The following CEP44 variants were observed in gnomAD, a reference collection of about 807,000 sequenced individuals.
The protein encoded by CEP44 is centrosomal protein of 44 kDa.
A neutral mutation model predicts 46.7 loss-of-function variants in CEP44; 45 were observed. The ratio of observed to expected loss-of-function variants is 0.96; its 90% CI spans 0.76 to 1.24. The LOEUF is 1.24. Ranked by LOEUF, CEP44 falls within the 50% of genes most tolerant of loss-of-function variation. CEP44 has a pLI of 0.00. For missense variants in CEP44, 475 were observed against 459.7 expected, an observed-to-expected ratio of 1.03 and a Z score of -0.30; for synonymous variants, 142 against 146.0, an observed-to-expected ratio of 0.97 and a Z score of 0.20.
intron 3 of CEP44, among the ~76,000 whole-genome samples, chr4:174,299,868 C>A (rs1369057797): frequency 2.0e-5 from 3 of 152,166 alleles, no homozygotes; most frequent in Non-Finnish European, 4.4e-5. Context: ...GTACTGCAGT[C>A]ATTCTGTATC....
chr4:174,322,263 T>C (rs1396361987), downstream of CEP44, among the ~76,000 whole-genome samples: 1 of 152,166 alleles, frequency 6.6e-6, no homozygotes, highest in Non-Finnish European at 1.5e-5. Context: ...ACCTTCACTT[T>C]TTATATACTA....
chr4:174,327,251 T>C (rs1234987247), intron 8 of CEP44, among the ~76,000 whole-genome samples: 2 of 151,084 alleles, frequency 1.3e-5, no homozygotes, highest in African/African-American at 4.9e-5. Flanking sequence ...TAATAAAATA[T>C]GTGCATGAAC....
intron 1 of CEP44, among the ~76,000 whole-genome samples, chr4:174,289,868 G>T: frequency 1.4e-5 from 2 of 145,452 alleles, no homozygotes; most frequent in African/African-American, 2.5e-5. Context: ...ACAGAGTCTT[G>T]CTCTGTCACC....
In CEP44 at chr4:174,297,714, A is replaced by G. The variant is rs1739219593; in HGVS notation, c.-147-252A>G. Reference sequence around the variant, plus strand: ...CATTAATACTTCTTTCTGCCTTCGAACACTTCCTTCTGTATTGTTCGCCTT... The same window carrying G: ...CATTAATACTTCTTTCTGCCTTCGAGCACTTCCTTCTGTATTGTTCGCCTT... On this transcript the variant is annotated intron_variant, in intron 1 of 11. Coordinates refer to ENST00000503780, the MANE Select transcript of CEP44 (RefSeq NM_001040157.3). This position sits in a 1 kb window ranked among gnomAD's most constrained non-coding sequence, Gnocchi z 4.3. 6.6e-6 allele frequency among the ~76,000 whole-genome samples: 1 copy of G among 151,430 alleles called. No homozygotes were observed. The highest frequency in any genetic ancestry group is 1.9e-4 in the East Asian group (1 of 5,162).
chr4:174,332,359 GC>G (rs1244215096), exon 9 of CEP44: 2 of 152,180 alleles, frequency 1.3e-5, no homozygotes, highest in Non-Finnish European at 2.9e-5. Flanking sequence ...AATGGGGATA[GC>G]ATTTGCTCAT....
chr4:174,297,651 A>AGTGTGTGT lies in CEP44; in HGVS notation c.-147-288_-147-281dup, dbSNP rs70947423. On this transcript the variant is annotated intron_variant, in intron 1 of 11. Transcript: ENST00000503780. The surrounding 1 kb of genome is among the most constrained non-coding windows in gnomAD (Gnocchi z 4.3). ...CTGAGATATAGGAAGAAACTTTATTAGTGTGTGTGTGTGTGTGTGTGTGTG... is the reference window on the plus strand; with the variant it reads ...CTGAGATATAGGAAGAAACTTTATTAGTGTGTGTGTGTGTGTGTGTGTGTGTGTGTGTG... 0.011 allele frequency among the ~76,000 whole-genome samples: 1,662 copies of AGTGTGTGT among 149,050 alleles called. 20 individuals are homozygous for AGTGTGTGT. Among genetic ancestry groups the AGTGTGTGT allele is most frequent in the African/African-American group, 0.027 (1,077 of 40,416 alleles).
Position 174,310,846 on chromosome 4 carries a change from C to T in CEP44, c.949C>T (p.Leu317Phe). Residue 317 changes from leucine to phenylalanine, a missense_variant, in exon 9 of 12, where the codon CTT becomes TTT. By Grantham distance (22) the Leu-to-Phe change is conservative. Coordinates refer to ENST00000503780, the MANE Select transcript of CEP44 (RefSeq NM_001040157.3). This position sits in a 1 kb window ranked among gnomAD's most constrained non-coding sequence, Gnocchi z 4.2. ...CTACGCTTCTTGTAGTGACATGGACCTTCTGAATCCTCGTAAGTTTGTAAA... is the reference window on the plus strand; with the variant it reads ...CTACGCTTCTTGTAGTGACATGGACTTTCTGAATCCTCGTAAGTTTGTAAA... ...EDYASCSDMD[L>F]LNPHRKSEVE... is the part of the protein sequence containing the mutation. The T allele has an allele frequency of 6.8e-7, 1 of 1,466,810 alleles. No individual in the cohort carries two copies. Among genetic ancestry groups the T allele is most frequent in the South Asian group, 1.2e-5 (1 of 82,538 alleles). 90.9% of individuals were successfully genotyped at this position (1,466,810 alleles called of 1,614,324 possible).
intron 9 of CEP44, among the ~76,000 whole-genome samples, chr4:174,313,377 A>C (rs115335966): frequency 0.012 from 1,655 of 136,708 alleles, 25 homozygotes; most frequent in African/African-American, 0.041. Flanking sequence ...TTTTTCCCTC[A>C]GAGGAAAAAA....
At chr4:174,303,569 C>G (rs1740007450) in intron 4 of CEP44, 134 bp from the exon 5 acceptor site, 1 of 511,166 alleles carries the variant, frequency 2.0e-6, no homozygotes, top group Non-Finnish European at 3.6e-6. Flanking sequence ...TACTTTAGTA[C>G]TCTTTAGTTA....
rs1218031656 is a variant in CEP44 at position 174,325,459 on chromosome 4, G to A, written c.1087-6023G>A. On this transcript the variant is annotated intron_variant, in intron 8 of 8. Coordinates refer to the CEP44 transcript ENST00000426172. This position sits in a 1 kb window ranked among gnomAD's most constrained non-coding sequence, Gnocchi z 4.4. ...ATTTGAGGCCAGAAGTTCAAGACCAGCCTGGTCAATATAGCCAGATCCTGT... is the reference window on the plus strand; with the variant it reads ...ATTTGAGGCCAGAAGTTCAAGACCAACCTGGTCAATATAGCCAGATCCTGT... Among the ~76,000 whole-genome samples, 1 of 152,086 alleles carries A rather than the reference G, an allele frequency of 6.6e-6. No individual in the cohort carries two copies. The highest frequency in any genetic ancestry group is 3.2e-3 in the Middle Eastern group (1 of 316).
At position 174,317,754 on chromosome 4, in the gene CEP44, A is replaced by G. The variant is rs1264148222; in HGVS notation, c.*371A>G. 8.1e-6 allele frequency: 8 copies of G among 988,320 alleles called. No homozygotes were observed. Among genetic ancestry groups the G allele is most frequent in the Admixed American group, 6.1e-5 (1 of 16,350 alleles). 61.2% of individuals were successfully genotyped at this position (988,320 alleles called of 1,614,324 possible). ...TTTACATCCTGTTGGAAACATTCCAAATGGGACTTGTGTATTATACCCAGG... is the reference window on the plus strand; with the variant it reads ...TTTACATCCTGTTGGAAACATTCCAGATGGGACTTGTGTATTATACCCAGG... On this transcript the variant is annotated 3_prime_UTR_variant, in exon 12 of 12. Transcript: ENST00000503780.
At chr4:174,295,332 T>G (rs1178294758) in intron 1 of CEP44, among the ~76,000 whole-genome samples, 1 of 139,214 alleles carries the variant, frequency 7.2e-6, no homozygotes, top group Non-Finnish European at 1.5e-5. Flanking sequence ...GTAGAGGTGC[T>G]CCTCACATCC....
At position 174,288,622 on chromosome 4, in the gene CEP44, C is replaced by G. The variant is rs1284176167; in HGVS notation, c.-148+4679C>G. On this transcript the variant is annotated intron_variant, in intron 1 of 11. Coordinates refer to ENST00000503780, the MANE Select transcript of CEP44 (RefSeq NM_001040157.3). This position sits in a 1 kb window ranked among gnomAD's most constrained non-coding sequence, Gnocchi z 4.6. The stretch of plus-strand genomic sequence containing the variant: ...GCAGGATTTCCTTCTTTTTTAAAGG[C>G]AAATTTGTTTATTCTCACATTTTTG... 6.6e-6 allele frequency among the ~76,000 whole-genome samples: 1 copy of G among 152,094 alleles called. No individual in the cohort carries two copies. The highest frequency in any genetic ancestry group is 1.5e-5 in the Non-Finnish European group (1 of 67,982).
At chr4:174,315,354 A>G (rs1471515183) in intron 9 of CEP44, among the ~76,000 whole-genome samples, 1 of 151,990 alleles carries the variant, frequency 6.6e-6, no homozygotes, top group African/African-American at 2.4e-5. Flanking sequence ...GGGAGATGCC[A>G]TCATTTTGTC....
rs1210624536 is a variant in CEP44, at chr4:174,331,484, T to C, written c.1089T>C (p.Asn363=). 1 of 1,551,364 alleles carries C rather than the reference T, an allele frequency of 6.4e-7. No homozygotes were observed. Among genetic ancestry groups the C allele is most frequent in the Non-Finnish European group, 8.7e-7 (1 of 1,146,802 alleles). The change falls in exon 9 of 9, where the codon AAT becomes AAC. Residue 363 remains asparagine, a splice_region_variant and synonymous_variant. Transcript: ENST00000426172. The surrounding 1 kb of genome is among the most constrained non-coding windows in gnomAD (Gnocchi z 4.5). ...ATAATTTTGTGTTTCCTTTCTAGAA[T>C]TTTCCTGCATGGAGTGCTACATCCT...
intron 1 of CEP44, among the ~76,000 whole-genome samples, chr4:174,293,178 G>C: frequency 6.6e-6 from 1 of 152,150 alleles, no homozygotes; most frequent in Non-Finnish European, 1.5e-5. Flanking sequence ...TTCCTTCTGG[G>C]TTCCCAGACA....
rs1472655357 is a variant in CEP44, at chr4:174,312,940, CTT to C, written c.961+2083_961+2084del. On this transcript the variant is annotated intron_variant, in intron 9 of 11. Coordinates refer to ENST00000503780, the MANE Select transcript of CEP44 (RefSeq NM_001040157.3). This position sits in a 1 kb window ranked among gnomAD's most constrained non-coding sequence, Gnocchi z 4.5. ...TGTTCCATGGGGAATTGTAAGGCAC[CTT>C]AATGTCTTGGTAAGAGTGAATTAGC... 1.3e-5 allele frequency among the ~76,000 whole-genome samples: 2 copies of C among 152,006 alleles called. No individual in the cohort carries two copies. The highest frequency in any genetic ancestry group is 4.8e-5 in the African/African-American group (2 of 41,384).
At position 174,331,423 on chromosome 4, in the gene CEP44, C is replaced by G; in HGVS notation, c.1087-59C>G. 1 of 1,526,368 alleles carries G rather than the reference C, an allele frequency of 6.6e-7. No homozygotes were observed. The highest frequency in any genetic ancestry group is 8.8e-7 in the Non-Finnish European group (1 of 1,130,952). The allele number at this position is 1,526,368 out of a possible 1,614,324, so 94.6% of individuals were successfully genotyped here. A position where few individuals can be genotyped will look rare whatever the true frequency, so the allele number is the denominator to read the frequency against. The stretch of plus-strand genomic sequence containing the variant: ...TGACACTGCTCTAATTCCTATCTAC[C>G]CATTCTGCCAATGCATTTAGATCAT... On this transcript the variant is annotated intron_variant, in intron 8 of 8. Coordinates refer to the CEP44 transcript ENST00000426172. The surrounding 1 kb of genome is among the most constrained non-coding windows in gnomAD (Gnocchi z 4.5).
intron 9 of CEP44, among the ~76,000 whole-genome samples, chr4:174,313,521 G>A (rs375107374): frequency 2.6e-5 from 4 of 152,088 alleles, no homozygotes; most frequent in Non-Finnish European, 4.4e-5. Context: ...TCCCAGAGTC[G>A]TAGGAAGATT....
Sources: gnomAD v4.1 joint callset for allele counts (sites outside exome capture counted in the v4.1 genomes callset) on GRCh38, gnomAD v4.1.1 for gene constraint, Gnocchi (gnomAD v3.1) non-coding constraint, MANE v1.5 for transcripts, NCBI Gene and HGNC (gene_info 2026-07-23, HGNC 2026-07-21) for gene names.